The following SLC36A4 variants were observed in gnomAD, a reference collection of about 807,000 sequenced individuals.
SLC36A4 encodes solute carrier family 36 member 4.
A neutral mutation model predicts 50.5 loss-of-function variants in SLC36A4; 49 were observed. The observed-to-expected ratio is 0.97, with a 90% CI of 0.77 to 1.23. The LOEUF is 1.23. Among genes scored for constraint, SLC36A4 ranks in the 50% most tolerant of loss-of-function variants. The pLI is 0.00. For missense variants in SLC36A4, 611 were observed against 608.4 expected, an observed-to-expected ratio of 1.00 and a Z score of -0.05; for synonymous variants, 207 against 206.5, an observed-to-expected ratio of 1.00 and a Z score of -0.02.
At chr11:93,187,010 A>G (rs547543628) in intron 1 of SLC36A4, among the ~76,000 whole-genome samples, 1 of 152,236 alleles carries the variant, frequency 6.6e-6, no homozygotes, top group East Asian at 1.9e-4. Flanking sequence ...ATTCCTCAGG[A>G]GGGTCTCATG....
intron 1 of SLC36A4, among the ~76,000 whole-genome samples, chr11:93,196,558 G>A (rs931317769): frequency 4.6e-5 from 7 of 152,226 alleles, no homozygotes; most frequent in African/African-American, 1.7e-4. Context: ...AGTAGAGACG[G>A]GGTTTCACCG....
intron 3 of SLC36A4, 53 bp downstream of exon 3, chr11:93,184,377 T>C: frequency 9.2e-7 from 1 of 1,091,548 alleles, no homozygotes; most frequent in Non-Finnish European, 1.4e-6. Flanking sequence ...TAGGTTGCTA[T>C]AAATGAGACT....
intron 1 of SLC36A4, among the ~76,000 whole-genome samples, chr11:93,189,557 C>T (rs1862127052): frequency 6.6e-6 from 1 of 152,158 alleles, no homozygotes; most frequent in African/African-American, 2.4e-5. Context: ...TACTCCACTG[C>T]CCTTGCTGAC....
Position 93,168,025 on chromosome 11 carries a change from T to C in SLC36A4, c.687A>G (p.Leu229=). Residue 229 remains leucine, a synonymous_variant, in exon 7 of 11, where the codon CTA becomes CTG. Transcript: ENST00000326402. Reference sequence around the variant, plus strand: ...GGAATGAAAGTACAAATAGATTCTTTAGTTCACGAATGAAGACCAAAAGAA... The same window carrying C: ...GGAATGAAAGTACAAATAGATTCTTCAGTTCACGAATGAAGACCAAAAGAA... ...FIILLVFIRE[L]KNLFVLSFLA... is the part of the protein sequence containing the mutation. 1.2e-6 allele frequency: 2 copies of C among 1,612,704 alleles called. No individual in the cohort carries two copies. The highest frequency in any genetic ancestry group is 1.7e-6 in the Non-Finnish European group (2 of 1,179,184).
Position 93,185,691 on chromosome 11 carries a change from G to T in SLC36A4, c.179C>A (p.Ser60Ter). ...GAGACTTATAAACCATAACACTTAC[G>T]AAATGCCCTCTTGATCATCAAGTTG... Reference protein sequence around the residue: ...HYQLDDQEGISFVQTLMHLLK... With the variant: ...HYQLDDQEGI The change falls in exon 2 of 11, where the codon TCA (serine) becomes TAA (stop). Residue 60 changes from serine to a stop codon, truncating the protein, a stop_gained and splice_region_variant. Transcript: ENST00000326402. LOFTEE classifies it high-confidence loss of function. 2 of 1,582,052 alleles carry T rather than the reference G, an allele frequency of 1.3e-6. No homozygotes were observed. Among genetic ancestry groups the T allele is most frequent in the Non-Finnish European group, 1.7e-6 (2 of 1,170,606 alleles).
chr11:93,162,792 C>A lies in SLC36A4; in HGVS notation c.951G>T (p.Leu317Phe). Residue 317 changes from leucine to phenylalanine, a missense_variant, in exon 9 of 11, where the codon TTG becomes TTT. Transcript: ENST00000326402. ...LNIGMGIVTT[L>F]YVTLATLGYM... ...ATCCTAAAGTAGCTAATGTTACATACAAAGTTGTAACAATCCCCATGCCAA... is the reference window on the plus strand; with the variant it reads ...ATCCTAAAGTAGCTAATGTTACATAAAAAGTTGTAACAATCCCCATGCCAA... 9 of 1,613,032 alleles carry A rather than the reference C, an allele frequency of 5.6e-6. No individual in the cohort carries two copies. Among genetic ancestry groups the A allele is most frequent in the Non-Finnish European group, 7.6e-6 (9 of 1,179,218 alleles).
rs987932624 is a variant in SLC36A4 at position 93,190,221 on chromosome 11, G to A, written c.56-4407C>T. ...GCTTTAAATTCATCTCATCCTTCAC[G>A]TTTAAAACCTTAACAAAAATTTAAT... is the stretch of plus-strand genomic sequence containing the variant. On this transcript the variant is annotated intron_variant, in intron 1 of 10. Transcript: ENST00000326402. Among the ~76,000 whole-genome samples, 10 of 152,022 alleles carry A rather than the reference G, an allele frequency of 6.6e-5. 1 individual carries two copies. The highest frequency in any genetic ancestry group is 3.9e-4 in the East Asian group (2 of 5,176).
In SLC36A4 at chr11:93,195,693, T is replaced by A. The variant is rs1862390820; in HGVS notation, c.55+2085A>T. Among the ~76,000 whole-genome samples the A allele has an allele frequency of 2.0e-5, 3 of 152,202 alleles. No homozygotes were observed. The South Asian group carries it at 6.2e-4, about 32-fold the overall frequency. ...CAAGACCCTACATAATTTGGCCCCATCGCCACCTCCATCACTCTGCTTCAG... is the reference window on the plus strand; with the variant it reads ...CAAGACCCTACATAATTTGGCCCCAACGCCACCTCCATCACTCTGCTTCAG... On this transcript the variant is annotated intron_variant, in intron 1 of 10. Coordinates refer to ENST00000326402, the MANE Select transcript of SLC36A4 (RefSeq NM_152313.4).
chr11:93,190,031 T>C (rs1230279262), intron 1 of SLC36A4, among the ~76,000 whole-genome samples: 1 of 152,186 alleles, frequency 6.6e-6, no homozygotes, highest in Non-Finnish European at 1.5e-5. Flanking sequence ...CTGAACAAAC[T>C]CACATTGTTT....
At position 93,185,679 on chromosome 11, in the gene SLC36A4, CA is replaced by C; in HGVS notation, c.179+11del. The stretch of plus-strand genomic sequence containing the variant: ...TTAAAAGAAAAGGAGACTTATAAAC[CA>C]TAACACTTACGAAATGCCCTCTTGA... On this transcript the variant is annotated intron_variant, in intron 2 of 10. Transcript: ENST00000326402. 1 of 1,575,418 alleles carries C rather than the reference CA, an allele frequency of 6.3e-7. No individual in the cohort carries two copies. Among genetic ancestry groups the C allele is most frequent in the Non-Finnish European group, 8.6e-7 (1 of 1,167,780 alleles).
At position 93,148,783 on chromosome 11, in the gene SLC36A4, G is replaced by A. The variant is rs2134620967; in HGVS notation, c.1269C>T (p.Ser423=). The change falls in exon 11 of 11, where the codon AGC becomes AGT. Residue 423 remains serine (S), a synonymous_variant. Transcript: ENST00000326402. The part of the protein sequence containing the change: ...DIVISFVGAV[S]SSTLALILPP... ...GCAGGATTAGGGCCAATGTGCTGCT[G>A]CTCACAGCTCCAACGAAGGAAATCA... 4 of 1,612,884 alleles carry A rather than the reference G, an allele frequency of 2.5e-6. No homozygotes were observed. The African/African-American group carries it at 4.0e-5, about 16-fold the overall frequency.
chr11:93,192,380 G>A (rs1362041285), intron 1 of SLC36A4, among the ~76,000 whole-genome samples: 2 of 152,130 alleles, frequency 1.3e-5, no homozygotes, highest in Non-Finnish European at 2.9e-5. Context: ...GAATGAGTGC[G>A]GGGGAGGAGT....
Position 93,184,497 on chromosome 11 carries a change from A to C in SLC36A4, c.203T>G (p.Leu68Arg). 1 of 1,608,260 alleles carries C rather than the reference A, an allele frequency of 6.2e-7. No individual in the cohort carries two copies. Among genetic ancestry groups the C allele is most frequent in the Non-Finnish European group, 8.5e-7 (1 of 1,175,620 alleles). The change falls in exon 3 of 11, where the codon CTT becomes CGT. Residue 68 changes from leucine to arginine, a missense_variant. By Grantham distance (102) the Leu-to-Arg change is moderately radical. Coordinates refer to ENST00000326402, the MANE Select transcript of SLC36A4 (RefSeq NM_152313.4). Reference protein sequence around the residue: ...GISFVQTLMHLLKGNIGTGLL... With the variant: ...GISFVQTLMHRLKGNIGTGLL... ...GCCAGTTCCAATATTTCCTTTAAGA[A>C]GGTGCATAAGAGTTTGTACAAATCT...
At chr11:93,191,677 T>C (rs1862222691) in intron 1 of SLC36A4, among the ~76,000 whole-genome samples, 3 of 152,178 alleles carry the variant, frequency 2.0e-5, no homozygotes, top group South Asian at 4.1e-4. Context: ...CCAGGAGTTG[T>C]TTTTCCTGGC....
In SLC36A4 at chr11:93,187,341, C is replaced by T. The variant is rs181145027; in HGVS notation, c.56-1527G>A. 1.7e-3 allele frequency among the ~76,000 whole-genome samples: 256 copies of T among 152,086 alleles called. 1 individual carries two copies. Among genetic ancestry groups the T allele is most frequent in the African/African-American group, 6.0e-3 (247 of 41,494 alleles). ...CAGTTTTCCCAGGGCTACAGTGGGC[C>T]CCTTTTGATATGTTGATTTAGGTTT... On this transcript the variant is annotated intron_variant, in intron 1 of 10. Transcript: ENST00000326402.
At chr11:93,160,026 C>T in intron 9 of SLC36A4, 5 of 985,340 alleles carry the variant, frequency 5.1e-6, no homozygotes, top group Non-Finnish European at 6.0e-6. Flanking sequence ...GTGTGAAGCA[C>T]AGGAAAGAAG....
intron 9 of SLC36A4, among the ~76,000 whole-genome samples, chr11:93,157,781 T>C (rs912339070): frequency 6.6e-6 from 1 of 152,188 alleles, no homozygotes; most frequent in African/African-American, 2.4e-5. Context: ...ACTATGGGGT[T>C]TTCGAGATAT....
rs115481086 is a variant in SLC36A4 at position 93,163,642 on chromosome 11, T to C, written c.868-767A>G. Among the ~76,000 whole-genome samples the C allele has an allele frequency of 7.2e-3, 1,089 of 152,252 alleles. 11 individuals carry two copies. Among genetic ancestry groups the C allele is most frequent in the African/African-American group, 0.025 (1,032 of 41,542 alleles). On this transcript the variant is annotated intron_variant, in intron 8 of 10. Coordinates refer to ENST00000326402, the MANE Select transcript of SLC36A4 (RefSeq NM_152313.4). ...GGTAGTGTTTGCCAGGTTTCTCTAT[T>C]GTACAGTTACTTTTATTCCCTCTCA...
In SLC36A4 at chr11:93,146,862, A is replaced by G. The variant is rs563415311; in HGVS notation, c.*1675T>C. On this transcript the variant is annotated 3_prime_UTR_variant, in exon 11 of 11. Coordinates refer to ENST00000326402, the MANE Select transcript of SLC36A4 (RefSeq NM_152313.4). ...TGGTTAATAACTTGAAAAATATGGA[A>G]TAATTAGAAGTTATTTGTCTGAAAG... is the stretch of plus-strand genomic sequence containing the variant. 6.6e-6 allele frequency: 1 copy of G among 152,236 alleles called. No individual in the cohort carries two copies. Among genetic ancestry groups the G allele is most frequent in the East Asian group, 1.9e-4 (1 of 5,162 alleles). 9.4% of individuals were successfully genotyped at this position (152,236 alleles called of 1,614,324 possible).
Sources: allele counts gnomAD v4.1 joint callset (sites outside exome capture counted in the v4.1 genomes callset), GRCh38; gene constraint gnomAD v4.1.1; transcripts MANE v1.5; gene names NCBI Gene and HGNC (gene_info 2026-07-23, HGNC 2026-07-21).